ADORA2B: variants seen among roughly 807,000 people sequenced by gnomAD.
ADORA2B encodes adenosine A2b receptor.
Under a neutral mutation model 20.8 loss-of-function variants are expected in ADORA2B, and 18 were observed. That is an observed-to-expected ratio of 0.87 (90% confidence interval 0.60 to 1.29). The LOEUF (loss-of-function observed/expected upper bound fraction) is 1.29, where lower values mean the gene tolerates loss of function less well. ADORA2B is among the 50% of genes most tolerant of loss of function. ADORA2B has a pLI of 0.00. For synonymous variants in ADORA2B, 179 were observed against 178.3 expected (o/e 1.00, Z -0.03); for missense variants, 441 against 422.7 (o/e 1.04, Z -0.38).
At chr17:15,853,063 A>G in the ADORA2B span, among the ~76,000 whole-genome samples, 34 of 152,320 alleles carry the variant, frequency 2.2e-4, no homozygotes, top group African/African-American at 7.7e-4. Flanking sequence ...ACCTAGACAC[A>G]TTAGGCTAAA....
the ADORA2B span, among the ~76,000 whole-genome samples, chr17:15,882,369 A>G: frequency 6.6e-6 from 1 of 152,182 alleles, no homozygotes; most frequent in East Asian, 1.9e-4. Flanking sequence ...AATGTGGGAG[A>G]AAGTGAGGGG....
At chr17:15,924,739 C>CA in the ADORA2B span, among the ~76,000 whole-genome samples, 65 of 120,936 alleles carry the variant, frequency 5.4e-4, 1 homozygote, top group Admixed American at 9.5e-4. Context: ...GACTCCATCT[C>CA]AAAAAAAAAA....
the ADORA2B span, among the ~76,000 whole-genome samples, chr17:15,895,523 C>T: frequency 6.6e-6 from 1 of 152,086 alleles, no homozygotes; most frequent in Admixed American, 6.6e-5. Context: ...AAACACAAAT[C>T]TGGGGGTCGT....
chr17:15,882,176 A>G, the ADORA2B span, among the ~76,000 whole-genome samples: 1 of 152,198 alleles, frequency 6.6e-6, no homozygotes, highest in African/African-American at 2.4e-5. Flanking sequence ...AGGCAAGAGG[A>G]TAACAGAGGC....
intron 1 of ADORA2B, among the ~76,000 whole-genome samples, chr17:15,958,269 C>T (rs1216287216): frequency 4.6e-5 from 7 of 152,202 alleles, no homozygotes; most frequent in Non-Finnish European, 1.0e-4. Flanking sequence ...CTGCCCACCT[C>T]GGCCTTCCAA....
At chr17:15,906,790 C>T in the ADORA2B span, among the ~76,000 whole-genome samples, 1 of 152,156 alleles carries the variant, frequency 6.6e-6, no homozygotes, top group Non-Finnish European at 1.5e-5. Flanking sequence ...TAAGATTATT[C>T]CTAATACAGC....
chr17:15,975,395 G>A lies in ADORA2B; in HGVS notation c.*53G>A, dbSNP rs1300952785. On this transcript the variant is annotated 3_prime_UTR_variant, in exon 2 of 2. Transcript: ENST00000304222. ...GATACAAATCCACAAGAAACAAAGA[G>A]GACACGGCTGGTTTTCATTGTGAAA... 4 of 1,545,240 alleles carry A rather than the reference G, an allele frequency of 2.6e-6. No homozygotes were observed. In the East Asian group the frequency reaches 9.0e-5, roughly 35 times the overall value.
the ADORA2B span, among the ~76,000 whole-genome samples, chr17:15,939,323 G>A: frequency 6.6e-6 from 1 of 152,124 alleles, no homozygotes; most frequent in Non-Finnish European, 1.5e-5. Flanking sequence ...TCACAGGCAT[G>A]AGCCACAGCG....
chr17:15,892,015 ATT>A, the ADORA2B span, among the ~76,000 whole-genome samples: 313 of 133,976 alleles, frequency 2.3e-3, 1 homozygote, highest in African/African-American at 7.4e-3. Context: ...TGCCCAGCTA[ATT>A]TTTTTTTTTT....
the ADORA2B span, among the ~76,000 whole-genome samples, chr17:15,895,417 CAT>C: frequency 3.9e-5 from 6 of 152,074 alleles, no homozygotes; most frequent in Admixed American, 1.3e-4. Context: ...TTATTTAAAT[CAT>C]GTGGAGTCTG....
the ADORA2B span, among the ~76,000 whole-genome samples, chr17:15,939,475 A>T: frequency 6.6e-6 from 1 of 152,204 alleles, no homozygotes; most frequent in Non-Finnish European, 1.5e-5. Context: ...TGGTAATTGG[A>T]CTCAAAAAAT....
the ADORA2B span, among the ~76,000 whole-genome samples, chr17:15,890,688 A>G: frequency 6.6e-6 from 1 of 152,194 alleles, no homozygotes; most frequent in East Asian, 1.9e-4. Flanking sequence ...CCAGCTCACC[A>G]GTTCTCTGTC....
chr17:15,968,355 G>A (rs1274114930), intron 1 of ADORA2B, among the ~76,000 whole-genome samples: 2 of 152,160 alleles, frequency 1.3e-5, no homozygotes, highest in Non-Finnish European at 2.9e-5. Context: ...GCATACATGG[G>A]GATCCTGCAA....
the ADORA2B span, among the ~76,000 whole-genome samples, chr17:15,893,626 C>T: frequency 2.2e-4 from 33 of 152,208 alleles, 1 homozygote; most frequent in African/African-American, 7.0e-4. Context: ...TTTTTCAAAG[C>T]CTATTCCAAA....
chr17:15,898,477 CAG>C, the ADORA2B span, among the ~76,000 whole-genome samples: 1,034 of 129,638 alleles, frequency 8.0e-3, 12 homozygotes, highest in African/African-American at 0.029. Flanking sequence ...TTTTTTGAGA[CAG>C]AGTCTCAAAA....
At chr17:15,856,038 C>A in the ADORA2B span, among the ~76,000 whole-genome samples, 12 of 152,084 alleles carry the variant, frequency 7.9e-5, no homozygotes, top group Non-Finnish European at 1.8e-4. Context: ...TACGGTTTCC[C>A]TCTGTGTCCC....
chr17:15,903,561 G>A, the ADORA2B span, among the ~76,000 whole-genome samples: 1 of 152,112 alleles, frequency 6.6e-6, no homozygotes, highest in Admixed American at 6.6e-5. Context: ...ATTGCCTCCA[G>A]CACCCACTGT....
At chr17:15,894,693 G>A in the ADORA2B span, among the ~76,000 whole-genome samples, 1 of 152,204 alleles carries the variant, frequency 6.6e-6, no homozygotes, top group Admixed American at 6.5e-5. Context: ...TGTAGGGGAG[G>A]AGGAGAGGAA....
chr17:15,900,656 C>A, the ADORA2B span, among the ~76,000 whole-genome samples: 4 of 151,838 alleles, frequency 2.6e-5, no homozygotes, highest in African/African-American at 9.7e-5. Flanking sequence ...CAACATGTTG[C>A]CTAGGCTGGT....
Sources: allele counts gnomAD v4.1 joint callset (sites outside exome capture counted in the v4.1 genomes callset), GRCh38; gene constraint gnomAD v4.1.1; transcripts MANE v1.5; gene names NCBI Gene and HGNC (gene_info 2026-07-23, HGNC 2026-07-21).